Variants in CFAP43 observed in about 807,000 individuals in gnomAD.
The protein encoded by CFAP43 is cilia and flagella associated protein 43.
A neutral mutation model predicts 218.9 loss-of-function variants in CFAP43; 155 were observed. That is an observed-to-expected ratio of 0.71 (90% confidence interval 0.62 to 0.81). The LOEUF (loss-of-function observed/expected upper bound fraction) is 0.81. CFAP43 is among the 30% of genes least tolerant of loss of function. CFAP43 has a pLI of 0.00. For synonymous variants in CFAP43, 645 were observed against 681.3 expected (o/e 0.95, Z 0.83); for missense variants, 1,778 against 1,954.3 (o/e 0.91, Z 1.70).
Position 104,168,746 on chromosome 10 carries a change from T to C in CFAP43, c.2689A>G (p.Lys897Glu). The change falls in exon 21 of 38, where the codon AAG (lysine) becomes GAG (glutamate). Residue 897 changes from lysine to glutamate, a missense_variant and splice_region_variant. By Grantham distance (56) the Lys-to-Glu change is moderately conservative (BLOSUM62 1). Transcript: ENST00000357060. ...NSMAVKGRALKCFHIPCVVEN... is the reference protein window; with the variant it reads ...NSMAVKGRALECFHIPCVVEN... ...GTACCTAGGGTTCTATCTGTTACCT[T>C]AAGAGCTCGACCTTTCACAGCCATC... The C allele has an allele frequency of 6.2e-7, 1 of 1,613,300 alleles. No homozygotes were observed. The highest frequency in any genetic ancestry group is 8.5e-7 in the Non-Finnish European group (1 of 1,179,246).
At chr10:104,169,596 T>C (rs1311998028) in intron 20 of CFAP43, among the ~76,000 whole-genome samples, 2 of 152,084 alleles carry the variant, frequency 1.3e-5, no homozygotes, top group African/African-American at 4.8e-5. Context: ...GTCCTTAGGA[T>C]CCTCTTCAGG....
At chr10:104,131,915 A>T (rs896646992) in intron 36 of CFAP43, among the ~76,000 whole-genome samples, 1 of 152,222 alleles carries the variant, frequency 6.6e-6, no homozygotes, top group Non-Finnish European at 1.5e-5. Context: ...GTTAATTCTA[A>T]TATTAAAGGA....
intron 21 of CFAP43, among the ~76,000 whole-genome samples, 182 bp downstream of exon 21, chr10:104,168,562 G>T (rs575252608): frequency 4.6e-5 from 7 of 152,330 alleles, no homozygotes; most frequent in Non-Finnish European, 1.5e-5. Flanking sequence ...CACGGGGACT[G>T]AGCACAGAGG....
At chr10:104,205,185 C>A (rs188348770) in intron 7 of CFAP43, among the ~76,000 whole-genome samples, 5 of 138,538 alleles carry the variant, frequency 3.6e-5, no homozygotes, top group African/African-American at 5.6e-5. Context: ...TGTACTCCAG[C>A]CTGGGAGACA....
At chr10:104,186,456 G>A (rs575087030) in intron 14 of CFAP43, among the ~76,000 whole-genome samples, 2 of 152,116 alleles carry the variant, frequency 1.3e-5, no homozygotes, top group African/African-American at 4.8e-5. Context: ...AAATAATGTA[G>A]TCAATATTCC....
At chr10:104,205,664 T>C (rs2090665262) in intron 7 of CFAP43, among the ~76,000 whole-genome samples, 1 of 152,190 alleles carries the variant, frequency 6.6e-6, no homozygotes, top group Admixed American at 6.5e-5. Flanking sequence ...GAAATGAGCA[T>C]GGAATTGGGT....
At chr10:104,165,687 T>C (rs1290260329) in intron 23 of CFAP43, among the ~76,000 whole-genome samples, 1 of 141,070 alleles carries the variant, frequency 7.1e-6, no homozygotes, top group Non-Finnish European at 1.5e-5. Context: ...TAAGACTGTT[T>C]GGTGGAAAGT....
chr10:104,170,529 GAACTTGGTGCAGAAT>G (rs1248558269), intron 20 of CFAP43, among the ~76,000 whole-genome samples: 1 of 152,130 alleles, frequency 6.6e-6, no homozygotes, highest in East Asian at 1.9e-4. Flanking sequence ...TGGGCTGGGA[GAACTTGGTGCAGAAT>G]AGCAGGGGGC....
At position 104,207,834 on chromosome 10, in the gene CFAP43, GA is replaced by G. The variant is rs2090742029; in HGVS notation, c.736-11del. ...ATAGATCATCTTTCGGCTTCAGGGA[GA>G]GAATAAAACCTTGTGTTAAGAAAAC... On this transcript the variant is annotated splice_polypyrimidine_tract_variant and intron_variant, in intron 5 of 37. Coordinates refer to ENST00000357060, the MANE Select transcript of CFAP43 (RefSeq NM_025145.7). 1.2e-6 allele frequency: 2 copies of G among 1,608,592 alleles called. No individual in the cohort carries two copies. Among genetic ancestry groups the G allele is most frequent in the African/African-American group, 2.7e-5 (2 of 74,702 alleles).
At chr10:104,192,152 C>T (rs780354326) in intron 12 of CFAP43, 47 bp downstream of exon 12, 5 of 1,381,422 alleles carry the variant, frequency 3.6e-6, no homozygotes, top group Non-Finnish European at 5.0e-6. Flanking sequence ...ACCTTAAATT[C>T]TTTGAAATAA....
chr10:104,187,472 C>T lies in CFAP43; in HGVS notation c.1708G>A (p.Glu570Lys). The change falls in exon 14 of 38, where the codon GAA becomes AAA. Residue 570 changes from glutamate (E) to lysine (K), a missense_variant. By Grantham distance (56) the Glu-to-Lys change is moderately conservative (BLOSUM62 1). Around this residue, in one of 3 missense-constraint regions of CFAP43, gnomAD observed 1,553 missense variants for 1,685.2 expected, o/e 0.92. Coordinates refer to ENST00000357060, the MANE Select transcript of CFAP43 (RefSeq NM_025145.7). Reference protein sequence around the residue: ...LPQVSTTFADERGRLKDEIIH... With the variant: ...LPQVSTTFADKRGRLKDEIIH... ...ATTTCATCTTTCAGCCTTCCTCTTTCATCAGCAAAGGTTGTGGAAACTATT... is the reference window on the plus strand; with the variant it reads ...ATTTCATCTTTCAGCCTTCCTCTTTTATCAGCAAAGGTTGTGGAAACTATT... The T allele has an allele frequency of 6.3e-7, 1 of 1,593,016 alleles. No homozygotes were observed. Among genetic ancestry groups the T allele is most frequent in the Non-Finnish European group, 8.5e-7 (1 of 1,171,366 alleles).
intron 31 of CFAP43, 115 bp from the exon 32 acceptor site, chr10:104,143,754 T>TCACATGGCAAA: frequency 1.0e-6 from 1 of 991,756 alleles, no homozygotes; most frequent in Non-Finnish European, 1.5e-6. Flanking sequence ...CCCTTTGCCA[T>TCACATGGCAAA]GTGATGGCTG....
intron 17 of CFAP43, among the ~76,000 whole-genome samples, chr10:104,181,737 T>C (rs1254476870): frequency 1.3e-5 from 2 of 152,184 alleles, no homozygotes; most frequent in Non-Finnish European, 2.9e-5. Flanking sequence ...TGCATGGTGG[T>C]GTTCTCTTTT....
chr10:104,204,235 G>A (rs890567465), intron 7 of CFAP43, among the ~76,000 whole-genome samples: 2 of 152,098 alleles, frequency 1.3e-5, no homozygotes, highest in Non-Finnish European at 2.9e-5. Context: ...ATGACCCAAG[G>A]GTAGGCAGTG....
At chr10:104,146,442 A>G in intron 29 of CFAP43, 93 bp from the exon 30 acceptor site, 2 of 896,590 alleles carry the variant, frequency 2.2e-6, no homozygotes, top group Non-Finnish European at 3.7e-6. Flanking sequence ...GGAATTTCCT[A>G]GTACAAGAGA....
intron 3 of CFAP43, among the ~76,000 whole-genome samples, chr10:104,223,129 C>T (rs1406498122): frequency 6.6e-6 from 1 of 152,210 alleles, no homozygotes; most frequent in Non-Finnish European, 1.5e-5. Flanking sequence ...CCATCGTTTA[C>T]CAACCCCTGC....
chr10:104,151,728 C>G (rs1220251403), intron 28 of CFAP43, among the ~76,000 whole-genome samples: 2 of 152,090 alleles, frequency 1.3e-5, no homozygotes, highest in East Asian at 1.9e-4. Context: ...TGCAGAAACT[C>G]TTTAGTTTAA....
chr10:104,181,149 C>T (rs893539583), intron 17 of CFAP43, among the ~76,000 whole-genome samples: 3 of 152,158 alleles, frequency 2.0e-5, no homozygotes, highest in Non-Finnish European at 4.4e-5. Flanking sequence ...CTCTTCATAG[C>T]TGCCCCCTTC....
intron 37 of CFAP43, 129 bp from the exon 38 acceptor site, chr10:104,130,434 CA>C (rs2134719050): frequency 9.7e-7 from 1 of 1,033,082 alleles, no homozygotes; most frequent in East Asian, 2.6e-5. Flanking sequence ...ATGTTTACAG[CA>C]GCACTATCAC....
Sources: gnomAD v4.1 joint callset for allele counts (sites outside exome capture counted in the v4.1 genomes callset) on GRCh38, gnomAD v4.1.1 for gene constraint, gnomAD v4.1.1 regional missense constraint, MANE v1.5 for transcripts, NCBI Gene and HGNC (gene_info 2026-07-23, HGNC 2026-07-21) for gene names.